TNK1: variants seen among roughly 807,000 people sequenced by gnomAD.
TNK1 encodes the protein tyrosine kinase non receptor 1, also known as non-receptor tyrosine-protein kinase TNK1.
A neutral mutation model predicts 65.2 loss-of-function variants in TNK1; 53 were observed. That is an observed-to-expected ratio of 0.81 (90% CI 0.65 to 1.02). The LOEUF is 1.02. Among genes scored for constraint, TNK1 ranks in the 50% least tolerant of loss-of-function variants. TNK1 has a pLI of 0.00. For missense variants in TNK1, 837 were observed against 878.4 expected (o/e 0.95, Z 0.60); for synonymous variants, 353 against 364.6 (o/e 0.97, Z 0.36).
At chr17:7,385,528 T>C (rs1195136682) in intron 7 of TNK1, among the ~76,000 whole-genome samples, 2 of 152,162 alleles carry the variant, frequency 1.3e-5, no homozygotes, top group African/African-American at 4.8e-5. Context: ...GCAGATTCGC[T>C]CATTTAATGC....
chr17:7,384,789 C>T (rs1279657828), intron 7 of TNK1, 35 bp downstream of exon 7: 1 of 1,547,294 alleles, frequency 6.5e-7, no homozygotes, highest in Non-Finnish European at 8.7e-7. Flanking sequence ...TACACAGTCC[C>T]TCTTCCCTCC....
At chr17:7,387,753 T>C (rs1365291812) in intron 10 of TNK1, among the ~76,000 whole-genome samples, 1 of 152,054 alleles carries the variant, frequency 6.6e-6, no homozygotes, top group South Asian at 2.1e-4. Flanking sequence ...TACAGGCATG[T>C]GCCACCACAC....
rs1905308260 is a variant in TNK1, at chr17:7,388,297, C to T, written c.1478-109C>T. On this transcript the variant is annotated intron_variant, in intron 10 of 12. Transcript: ENST00000688331. This position sits in a 1 kb window ranked among gnomAD's most constrained non-coding sequence, Gnocchi z 4.5. ...AAAATTAGCCAGTCGTAATGGCAGGCACCTATAGTCCCAGCTACTCGGGAG... is the reference window on the plus strand; with the variant it reads ...AAAATTAGCCAGTCGTAATGGCAGGTACCTATAGTCCCAGCTACTCGGGAG... 1.8e-6 allele frequency: 2 copies of T among 1,120,196 alleles called. No individual in the cohort carries two copies. Among genetic ancestry groups the T allele is most frequent in the African/African-American group, 3.1e-5 (2 of 63,894 alleles). 69.4% of individuals were successfully genotyped at this position (1,120,196 alleles called of 1,614,324 possible).
upstream of TNK1, among the ~76,000 whole-genome samples, chr17:7,380,143 G>A (rs1904720059): frequency 6.6e-6 from 1 of 152,162 alleles, no homozygotes; most frequent in African/African-American, 2.4e-5. Flanking sequence ...GGAAGAAGAG[G>A]ACCCGAGGCT....
rs554145271 is a variant in TNK1 at position 7,385,079 on chromosome 17, C to T, written c.1137+325C>T. Reference sequence around the variant, plus strand: ...GAGGGGAAAATAGAAATAATGAAGCCGCAGGCCGGGCGCGGTGGCTCACGT... The same window carrying T: ...GAGGGGAAAATAGAAATAATGAAGCTGCAGGCCGGGCGCGGTGGCTCACGT... On this transcript the variant is annotated intron_variant, in intron 7 of 12. Coordinates refer to ENST00000688331, the MANE Select transcript of TNK1 (RefSeq NM_003985.6). Among the ~76,000 whole-genome samples, 7 of 152,084 alleles carry T rather than the reference C, an allele frequency of 4.6e-5. No homozygotes were observed. The East Asian group carries it at 1.2e-3, about 25-fold the overall frequency.
chr17:7,383,626 C>T lies in TNK1; in HGVS notation c.426+10C>T. 1.3e-6 allele frequency: 2 copies of T among 1,595,470 alleles called. No individual in the cohort carries two copies. The highest frequency in any genetic ancestry group is 2.7e-5 in the African/African-American group (2 of 74,774). On this transcript the variant is annotated intron_variant, in intron 4 of 12. Coordinates refer to ENST00000688331, the MANE Select transcript of TNK1 (RefSeq NM_003985.6). ...GCCCAGTGGCAAGAGTGTGAGTGTCCAGGGAGCCCGCTTCATCCAGGCCAG... is the reference window on the plus strand; with the variant it reads ...GCCCAGTGGCAAGAGTGTGAGTGTCTAGGGAGCCCGCTTCATCCAGGCCAG...
At chr17:7,380,803 CA>C (rs1299809271), upstream of TNK1, 2 of 152,444 alleles carry the variant, frequency 1.3e-5, no homozygotes, top group Non-Finnish European at 2.9e-5. Flanking sequence ...GGGACAGAGA[CA>C]GAGGAGTGAA....
rs56148256 is a variant in TNK1, at chr17:7,382,265, C to CAAA, written c.-91-558_-91-556dup. Among the ~76,000 whole-genome samples, 112 of 137,450 alleles carry CAAA rather than the reference C, an allele frequency of 8.1e-4. 2 individuals are homozygous for CAAA. Among genetic ancestry groups the CAAA allele is most frequent in the African/African-American group, 2.7e-3 (98 of 36,888 alleles). The allele number at this position is 137,450 out of a possible 152,430, so 90.2% of individuals were successfully genotyped here. On this transcript the variant is annotated intron_variant, in intron 1 of 12. Transcript: ENST00000688331. This position sits in a 1 kb window ranked among gnomAD's most constrained non-coding sequence, Gnocchi z 4.1. The stretch of plus-strand genomic sequence containing the variant: ...TAGATGACAGAGCGAGACTCCGTCT[C>CAAA]AAAAAAAAAAAAAAAGAGGACATGT...
Position 7,388,679 on chromosome 17 carries a change from C to G in TNK1, c.1751C>G (p.Pro584Arg). 6.2e-7 allele frequency: 1 copy of G among 1,613,530 alleles called. No individual in the cohort carries two copies. The highest frequency in any genetic ancestry group is 8.5e-7 in the Non-Finnish European group (1 of 1,179,670). ...CTCTCTGGAGGCCTCTTGTCCGATC[C>G]TGAGTTGCAGAGGAAGATTATGGAG... ...AALSGGLLSD[P>R]ELQRKIMEVE... Residue 584 changes from proline (P) to arginine (R), a missense_variant, in exon 11 of 13, where the codon CCT becomes CGT. By Grantham distance (103) the Pro-to-Arg change is moderately radical. Transcript: ENST00000688331. The surrounding 1 kb of genome is among the most constrained non-coding windows in gnomAD (Gnocchi z 4.5).
rs1337006058 is a variant in TNK1, at chr17:7,389,522, T to A, written c.*438T>A. 1 of 383,290 alleles carries A rather than the reference T, an allele frequency of 2.6e-6. No homozygotes were observed. Among genetic ancestry groups the A allele is most frequent in the African/African-American group, 2.1e-5 (1 of 48,218 alleles). 23.7% of individuals were successfully genotyped at this position (383,290 alleles called of 1,614,324 possible). A position where few individuals can be genotyped will look rare whatever the true frequency, so the allele number is the denominator to read the frequency against. Reference sequence around the variant, plus strand: ...CCATCCTGGATGATGGAAGCCACCATATTGACTTGGGGTATAGGCCCAAAC... The same window carrying A: ...CCATCCTGGATGATGGAAGCCACCAAATTGACTTGGGGTATAGGCCCAAAC... On this transcript the variant is annotated 3_prime_UTR_variant, in exon 13 of 13. Transcript: ENST00000688331.
rs1231139702 is a variant in TNK1, at chr17:7,386,545, C to T, written c.1138-16C>T. Reference sequence around the variant, plus strand: ...CAGGCCACAAGCCCAGCCACCCTTTCCTCTTGTCTCCACAGGCCGGGCCTT... The same window carrying T: ...CAGGCCACAAGCCCAGCCACCCTTTTCTCTTGTCTCCACAGGCCGGGCCTT... On this transcript the variant is annotated splice_polypyrimidine_tract_variant and intron_variant, in intron 7 of 12. Coordinates refer to ENST00000688331, the MANE Select transcript of TNK1 (RefSeq NM_003985.6). The T allele has an allele frequency of 6.3e-7, 1 of 1,587,292 alleles. No homozygotes were observed. The highest frequency in any genetic ancestry group is 1.3e-5 in the African/African-American group (1 of 74,402).
In TNK1 at chr17:7,389,376, T is replaced by C; in HGVS notation, c.*292T>C. On this transcript the variant is annotated 3_prime_UTR_variant, in exon 13 of 13. Coordinates refer to ENST00000688331, the MANE Select transcript of TNK1 (RefSeq NM_003985.6). Reference sequence around the variant, plus strand: ...ACAAGAGGACTTGGAAGAAAAGAGCTGCTATACATCATATGCAGAGGAAGC... The same window carrying C: ...ACAAGAGGACTTGGAAGAAAAGAGCCGCTATACATCATATGCAGAGGAAGC... The C allele has an allele frequency of 1.9e-6, 1 of 522,162 alleles. No homozygotes were observed. The highest frequency in any genetic ancestry group is 3.4e-6 in the Non-Finnish European group (1 of 295,170). The allele number at this position is 522,162 out of a possible 1,614,324, so 32.3% of individuals were successfully genotyped here.
upstream of TNK1, chr17:7,380,971 T>C (rs1201525795): frequency 6.6e-6 from 1 of 152,236 alleles, no homozygotes; most frequent in Non-Finnish European, 1.5e-5. Context: ...CTTGTCCCAC[T>C]AGGGAACTCG....
chr17:7,385,086 C>A (rs187437359), intron 7 of TNK1, among the ~76,000 whole-genome samples: 9 of 152,244 alleles, frequency 5.9e-5, no homozygotes, highest in Admixed American at 3.9e-4. Context: ...AGCCGCAGGC[C>A]GGGCGCGGTG....
Position 7,383,108 on chromosome 17 carries a change from G to A in TNK1, c.163+19G>A, listed in dbSNP as rs560740452. The A allele has an allele frequency of 6.2e-6, 10 of 1,613,666 alleles. No individual in the cohort carries two copies. Among genetic ancestry groups the A allele is most frequent in the Middle Eastern group, 1.7e-4 (1 of 6,054 alleles). ...CGGCCTGGTGAGGGACCCCTGCCCC[G>A]AGGCCCTGGTCTCTCTGTCCACAGC... is the stretch of plus-strand genomic sequence containing the variant. On this transcript the variant is annotated intron_variant, in intron 2 of 12. Transcript: ENST00000688331.
intron 6 of TNK1, 40 bp downstream of exon 6, chr17:7,384,293 C>A (rs1417767509): frequency 7.0e-7 from 1 of 1,437,612 alleles, no homozygotes; most frequent in South Asian, 1.5e-5. Context: ...CTGAGCCGGG[C>A]GGATCCGGAG....
rs1322417345 is a variant in TNK1, at chr17:7,382,190, C to T, written c.-91-646C>T. On this transcript the variant is annotated intron_variant, in intron 1 of 12. Transcript: ENST00000688331. This position sits in a 1 kb window ranked among gnomAD's most constrained non-coding sequence, Gnocchi z 4.1. ...CTGAGGCAGAAGAATTGCTTGAACC[C>T]GGGAGGCGGAGGTTGCAGCGAGCTG... 2.0e-5 allele frequency among the ~76,000 whole-genome samples: 3 copies of T among 148,756 alleles called. No homozygotes were observed. Among genetic ancestry groups the T allele is most frequent in the Non-Finnish European group, 3.0e-5 (2 of 67,742 alleles).
upstream of TNK1, chr17:7,380,884 G>T: frequency 6.6e-6 from 1 of 152,566 alleles, no homozygotes. Flanking sequence ...CAGAGGAGAA[G>T]GGAAGGGGGC....
At position 7,382,952 on chromosome 17, in the gene TNK1, G is replaced by A; in HGVS notation, c.26G>A (p.Trp9Ter). MLPEAGSL[W>*]LLKLLRDIQL... ...ATGCTTCCTGAGGCTGGCTCCCTGT[G>A]GCTACTGAAGCTGCTCCGGGACATC... Residue 9 changes from tryptophan (W) to a stop codon, truncating the protein, a stop_gained, in exon 2 of 13, where the codon TGG becomes TAG. Coordinates refer to ENST00000688331, the MANE Select transcript of TNK1 (RefSeq NM_003985.6). LOFTEE classifies it high-confidence loss of function. This position sits in a 1 kb window ranked among gnomAD's most constrained non-coding sequence, Gnocchi z 4.1. The A allele has an allele frequency of 6.2e-7, 1 of 1,613,980 alleles. No individual in the cohort carries two copies. Among genetic ancestry groups the A allele is most frequent in the Non-Finnish European group, 8.5e-7 (1 of 1,179,886 alleles).
Sources: gnomAD v4.1 joint callset for allele counts (sites outside exome capture counted in the v4.1 genomes callset) on GRCh38, gnomAD v4.1.1 for gene constraint, Gnocchi (gnomAD v3.1) non-coding constraint, MANE v1.5 for transcripts, NCBI Gene and HGNC (gene_info 2026-07-23, HGNC 2026-07-21) for gene names.